DNAH1: variants seen among roughly 807,000 people sequenced by gnomAD.
DNAH1 encodes dynein axonemal heavy chain 1.
DNAH1 carries 327 observed loss-of-function variants against 484.3 expected under a neutral mutation model. That is an observed-to-expected ratio of 0.68 (90% CI 0.62 to 0.74). The LOEUF (loss-of-function observed/expected upper bound fraction) is 0.74, where lower values mean the gene tolerates loss of function less well. Among genes scored for constraint, DNAH1 ranks in the 30% least tolerant of loss-of-function variants. The pLI is 0.00. For synonymous variants in DNAH1, 2,192 were observed against 2,191.9 expected, an observed-to-expected ratio of 1.00 and a Z score of 0.00; for missense variants, 5,052 against 5,546.8, an observed-to-expected ratio of 0.91 and a Z score of 2.83.
At chr3:52,323,329 G>C (rs542233074) in intron 2 of DNAH1, among the ~76,000 whole-genome samples, 4 of 152,146 alleles carry the variant, frequency 2.6e-5, no homozygotes, top group African/African-American at 9.6e-5. Flanking sequence ...TGGGGGCAGG[G>C]AAAAGAGAGG....
chr3:52,384,834 G>C lies in DNAH1; in HGVS notation c.8371G>C (p.Glu2791Gln). The stretch of plus-strand genomic sequence containing the variant: ...CCAGTCGGTGTCCAAGAAGTGCATC[G>C]AGTACCTGGCAGAGCTGACCCGCCA... ...IHQSVSKKCI[E>Q]YLAELTRHNY... The change falls in exon 53 of 78, where the codon GAG (glutamate) becomes CAG (glutamine). Residue 2791 changes from glutamate to glutamine, a missense_variant. Around this residue, in one of 4 missense-constraint regions of DNAH1, gnomAD observed 2,929 missense variants for 3,409.4 expected, o/e 0.86. Coordinates refer to ENST00000420323, the MANE Select transcript of DNAH1 (RefSeq NM_015512.5). The C allele has an allele frequency of 6.2e-7, 1 of 1,604,702 alleles. No homozygotes were observed.
At position 52,360,030 on chromosome 3, in the gene DNAH1, C is replaced by T. The variant is rs1321798402; in HGVS notation, c.4522C>T (p.Gln1508Ter). 5.0e-6 allele frequency: 8 copies of T among 1,613,802 alleles called. No individual in the cohort carries two copies. Among genetic ancestry groups the T allele is most frequent in the Non-Finnish European group, 4.2e-6 (5 of 1,179,890 alleles). Residue 1508 changes from glutamine (Q) to a stop codon, truncating the protein, a stop_gained, in exon 27 of 78, where the codon CAG becomes TAG. Transcript: ENST00000420323. LOFTEE classifies it high-confidence loss of function. ...HAKDVVSKLIQENVVSVNDFQ... is the reference protein window; with the variant it reads ...HAKDVVSKLI ...CAAGGACGTGGTGAGCAAGCTAATC[C>T]AGGAGAACGTGGTCAGCGTGAATGA...
chr3:52,384,071 G>C (rs373358209), intron 52 of DNAH1, 40 bp downstream of exon 52: 101 of 1,522,708 alleles, frequency 6.6e-5, no homozygotes, highest in Non-Finnish European at 3.2e-5. Flanking sequence ...GGGGAGACCT[G>C]TTTAGCTTGG....
chr3:52,335,277 G>A (rs1226971607), intron 8 of DNAH1, among the ~76,000 whole-genome samples: 8 of 138,534 alleles, frequency 5.8e-5, no homozygotes, highest in Admixed American at 1.5e-4. Context: ...GGATGGTCTC[G>A]ATCTCCTGAC....
At position 52,350,187 on chromosome 3, in the gene DNAH1, G is replaced by C. The variant is rs1461990365; in HGVS notation, c.2646+79G>C. On this transcript the variant is annotated intron_variant, in intron 15 of 77. Coordinates refer to ENST00000420323, the MANE Select transcript of DNAH1 (RefSeq NM_015512.5). Reference sequence around the variant, plus strand: ...AGTCCGAGGGCTGGGGCAGGCAGGGGCTGGGAGGTCGGACTCAGGAGGCTG... The same window carrying C: ...AGTCCGAGGGCTGGGGCAGGCAGGGCCTGGGAGGTCGGACTCAGGAGGCTG... 36 of 1,558,330 alleles carry C rather than the reference G, an allele frequency of 2.3e-5. No individual in the cohort carries two copies. In the South Asian group the frequency reaches 3.9e-4, roughly 17 times the overall value.
intron 44 of DNAH1, chr3:52,374,454 C>A: frequency 7.4e-7 from 1 of 1,345,284 alleles, no homozygotes; most frequent in Non-Finnish European, 1.1e-6. Context: ...GACTCACAGT[C>A]CAAAAGAAGT....
In DNAH1 at chr3:52,370,174, C is replaced by T. The variant is rs138341550; in HGVS notation, c.6203C>T (p.Thr2068Ile). 22 of 1,614,010 alleles carry T rather than the reference C, an allele frequency of 1.4e-5. No homozygotes were observed. Among genetic ancestry groups the T allele is most frequent in the Non-Finnish European group, 1.9e-5 (22 of 1,179,892 alleles). Reference sequence around the variant, plus strand: ...ATCGCCTCAACCAACTGCAACCTGACCATGAGCCTCCTCAAGCTGCTGGAC... The same window carrying T: ...ATCGCCTCAACCAACTGCAACCTGATCATGAGCCTCCTCAAGCTGCTGGAC... ...EVIASTNCNL[T>I]MSLLKLLDCF... Residue 2068 changes from threonine (T) to isoleucine (I), a missense_variant, in exon 39 of 78, where the codon ACC becomes ATC. Transcript: ENST00000420323.
At position 52,389,525 on chromosome 3, in the gene DNAH1, A is replaced by G. The variant is rs201903736; in HGVS notation, c.9560A>G (p.His3187Arg). ...CAGCTCAGGAGCCACAATGTCCCAC[A>G]CACCTCCGAGCCCACGCTAATCGGG... ...VKQLRSHNVP[H>R]TSEPTLIGTL... The change falls in exon 60 of 78, where the codon CAC (histidine) becomes CGC (arginine). Residue 3187 changes from histidine (H) to arginine (R), a missense_variant. Transcript: ENST00000420323. The G allele has an allele frequency of 7.3e-5, 116 of 1,590,314 alleles. No individual in the cohort carries two copies. The African/African-American group carries it at 1.3e-3, about 17-fold the overall frequency.
At chr3:52,316,310 A>G (rs1373302261), upstream of DNAH1, 3 of 152,340 alleles carry the variant, frequency 2.0e-5, no homozygotes, top group East Asian at 1.9e-4. Context: ...GTGCCTCTCT[A>G]CAGGCCAAGG....
chr3:52,391,364 G>T (rs1704373027), intron 62 of DNAH1, 36 bp downstream of exon 62: 2 of 1,594,504 alleles, frequency 1.3e-6, no homozygotes, highest in African/African-American at 1.3e-5. Context: ...GTGGCAGTAG[G>T]CCTGGACAGG....
intron 34 of DNAH1, among the ~76,000 whole-genome samples, chr3:52,365,836 A>C (rs1240075737): frequency 1.3e-5 from 2 of 151,532 alleles, no homozygotes; most frequent in Non-Finnish European, 2.9e-5. Context: ...CACCTCCTGC[A>C]CCCCCGACCC....
rs1487026683 is a variant in DNAH1 at position 52,394,400 on chromosome 3, G to A, written c.10627-65G>A. The A allele has an allele frequency of 2.0e-6, 3 of 1,525,202 alleles. No individual in the cohort carries two copies. The Admixed American group carries it at 5.3e-5, about 27-fold the overall frequency. 94.5% of individuals were successfully genotyped at this position (1,525,202 alleles called of 1,614,324 possible). ...GTGGTTAGAGAGGCACTACTGGGTG[G>A]GGGTGCCCAGAGCAGGAGGAGCTGG... On this transcript the variant is annotated intron_variant, in intron 66 of 77. Transcript: ENST00000420323.
chr3:52,338,127 G>A (rs1439182257), intron 8 of DNAH1, among the ~76,000 whole-genome samples: 3 of 151,856 alleles, frequency 2.0e-5, no homozygotes, highest in Admixed American at 6.6e-5. Context: ...ATTTATTTTC[G>A]AGATGGAGTC....
chr3:52,370,263 G>T (rs1703275574), intron 39 of DNAH1, 34 bp downstream of exon 39: 1 of 1,606,606 alleles, frequency 6.2e-7, no homozygotes, highest in Non-Finnish European at 8.5e-7. Context: ...GATGCACCTG[G>T]TCCCTCTCCC....
chr3:52,338,097 CTTAA>C, intron 8 of DNAH1, among the ~76,000 whole-genome samples: 1 of 152,112 alleles, frequency 6.6e-6, no homozygotes, highest in African/African-American at 2.4e-5. Context: ...CTCAGCTCTA[CTTAA>C]TTAATTAATT....
chr3:52,336,107 C>T (rs1462752924), intron 8 of DNAH1, among the ~76,000 whole-genome samples: 1 of 152,164 alleles, frequency 6.6e-6, no homozygotes, highest in Non-Finnish European at 1.5e-5. Flanking sequence ...TGTGCAAAAG[C>T]TCTTGAATTA....
chr3:52,391,265 A>G lies in DNAH1; in HGVS notation c.9828A>G (p.Pro3276=), dbSNP rs1000594277. 1.2e-6 allele frequency: 2 copies of G among 1,613,672 alleles called. No homozygotes were observed. Among genetic ancestry groups the G allele is most frequent in the African/African-American group, 2.7e-5 (2 of 75,046 alleles). ...AGAACGCCATCCGCTTTGGCAAGCC[A>G]TGTCTCCTGGAGAACGTGGGCGAGG... ...SMENAIRFGK[P]CLLENVGEEL... The change falls in exon 62 of 78, where the codon CCA becomes CCG. Residue 3276 remains proline, a synonymous_variant. Transcript: ENST00000420323.
intron 7 of DNAH1, among the ~76,000 whole-genome samples, chr3:52,331,587 A>G (rs1412295420): frequency 2.7e-5 from 4 of 147,738 alleles, no homozygotes; most frequent in South Asian, 2.2e-4. Context: ...TTGAACAGCC[A>G]TGCCTGTATA....
At chr3:52,338,778 C>T (rs1701823376) in intron 8 of DNAH1, among the ~76,000 whole-genome samples, 1 of 151,710 alleles carries the variant, frequency 6.6e-6, no homozygotes, top group African/African-American at 2.4e-5. Context: ...GTAATCCCAG[C>T]ACTTTGGGAG....
Sources: gnomAD v4.1 joint callset for allele counts (sites outside exome capture counted in the v4.1 genomes callset) on GRCh38, gnomAD v4.1.1 for gene constraint, gnomAD v4.1.1 regional missense constraint, MANE v1.5 for transcripts, NCBI Gene and HGNC (gene_info 2026-07-23, HGNC 2026-07-21) for gene names.